Variants in WDR45B observed in about 807,000 individuals in gnomAD.
WDR45B encodes the protein WD repeat domain phosphoinositide-interacting protein 3.
WDR45B carries 20 observed loss-of-function variants against 44.6 expected under a neutral mutation model. The observed-to-expected ratio is 0.45, with a 90% CI of 0.32 to 0.65. The LOEUF (loss-of-function observed/expected upper bound fraction) is 0.65. Ranked by LOEUF, WDR45B falls within the 30% of genes least tolerant of loss-of-function variation. The pLI is 0.05. For missense variants in WDR45B, 323 were observed against 430.2 expected, an observed-to-expected ratio of 0.75 and a Z score of 2.20; for synonymous variants, 169 against 164.9, an observed-to-expected ratio of 1.02 and a Z score of -0.19.
intron 2 of WDR45B, among the ~76,000 whole-genome samples, chr17:82,639,268 C>T (rs1385801374): frequency 6.6e-6 from 1 of 151,994 alleles, no homozygotes; most frequent in African/African-American, 2.4e-5. Flanking sequence ...GCATGAAGCA[C>T]CATTTTGAGG....
rs1298327201 is a variant in WDR45B at position 82,614,891 on chromosome 17, TAA to T, written c.*1026_*1027del. Reference sequence around the variant, plus strand: ...AGCCCATAACCTAGTTACCAAATGTTAAAAAAAGTTATGTGCCTCTCCTTCCC... The same window carrying T: ...AGCCCATAACCTAGTTACCAAATGTTAAAAAGTTATGTGCCTCTCCTTCCC... On this transcript the variant is annotated 3_prime_UTR_variant, in exon 10 of 10. Coordinates refer to ENST00000392325, the MANE Select transcript of WDR45B (RefSeq NM_019613.4). The T allele has an allele frequency of 6.6e-6, 1 of 152,078 alleles. No individual in the cohort carries two copies. The highest frequency in any genetic ancestry group is 1.5e-5 in the Non-Finnish European group (1 of 68,016). 9.4% of individuals were successfully genotyped at this position (152,078 alleles called of 1,614,324 possible).
At chr17:82,617,526 C>A in intron 7 of WDR45B, 129 bp from the exon 8 acceptor site, 1 of 878,434 alleles carries the variant, frequency 1.1e-6, no homozygotes, top group South Asian at 1.4e-5. Flanking sequence ...ATTCTGAATA[C>A]TGCCCTTTCT....
intron 8 of WDR45B, 81 bp downstream of exon 8, chr17:82,617,215 G>A: frequency 1.5e-6 from 2 of 1,301,678 alleles, no homozygotes; most frequent in South Asian, 1.2e-5. Context: ...GCTGGGGTGG[G>A]GGGCCTGTCC....
At position 82,641,187 on chromosome 17, in the gene WDR45B, G is replaced by A. The variant is rs559423591; in HGVS notation, c.142+2762C>T. On this transcript the variant is annotated intron_variant, in intron 2 of 9. Transcript: ENST00000392325. ...TCACCGTGTTGCCCAGGCTGGTCTC[G>A]AACTCCTGAGCTCAGGCAATCTGCT... 1.2e-4 allele frequency among the ~76,000 whole-genome samples: 18 copies of A among 152,074 alleles called. No individual in the cohort carries two copies. The East Asian group carries it at 2.9e-3, about 25-fold the overall frequency.
chr17:82,630,068 C>T (rs2045747707), intron 3 of WDR45B: 1 of 808,604 alleles, frequency 1.2e-6, no homozygotes, highest in South Asian at 5.6e-5. Flanking sequence ...TTTCTCAGGC[C>T]TCCTCCCGCC....
At chr17:82,629,169 T>C (rs1238990708) in intron 3 of WDR45B, among the ~76,000 whole-genome samples, 1 of 152,204 alleles carries the variant, frequency 6.6e-6, no homozygotes, top group Non-Finnish European at 1.5e-5. Flanking sequence ...AGACCTGAGA[T>C]TATCTCATAC....
At position 82,639,354 on chromosome 17, in the gene WDR45B, C is replaced by T. The variant is rs896192774; in HGVS notation, c.142+4595G>A. On this transcript the variant is annotated intron_variant, in intron 2 of 9. Transcript: ENST00000392325. ...TCCAATTTTCCACTCTTGGAAACAG[C>T]GTTGCAAGTAATATTGGTATACAGG... Among the ~76,000 whole-genome samples the T allele has an allele frequency of 1.2e-4, 19 of 152,094 alleles. No homozygotes were observed. The South Asian group carries it at 1.9e-3, about 15-fold the overall frequency.
chr17:82,647,278 G>A (rs548026326), intron 1 of WDR45B, among the ~76,000 whole-genome samples: 91 of 152,308 alleles, frequency 6.0e-4, no homozygotes, highest in African/African-American at 2.1e-3. Flanking sequence ...TACAGCACCT[G>A]CCTGGATTCT....
At chr17:82,643,102 C>T (rs2045937053) in intron 2 of WDR45B, among the ~76,000 whole-genome samples, 1 of 152,156 alleles carries the variant, frequency 6.6e-6, no homozygotes. Context: ...TACAATAACT[C>T]TGAGGCAGGC....
At chr17:82,617,571 G>C in intron 7 of WDR45B, 174 bp from the exon 8 acceptor site, 1 of 685,366 alleles carries the variant, frequency 1.5e-6, no homozygotes, top group East Asian at 2.8e-5. Flanking sequence ...CAGCACCACA[G>C]GTTGAAGCCA....
chr17:82,619,444 C>T (rs1568001808), intron 6 of WDR45B, among the ~76,000 whole-genome samples: 2 of 152,084 alleles, frequency 1.3e-5, no homozygotes. Context: ...AACACCCAGG[C>T]CCAGGCTCCC....
chr17:82,618,411 G>A (rs569814948), intron 7 of WDR45B, among the ~76,000 whole-genome samples: 2 of 152,334 alleles, frequency 1.3e-5, no homozygotes, highest in Non-Finnish European at 1.5e-5. Flanking sequence ...CTCTCAGACT[G>A]TAACAGGCTG....
Position 82,634,011 on chromosome 17 carries a change from C to T in WDR45B, c.143-2989G>A, listed in dbSNP as rs577136987. Among the ~76,000 whole-genome samples, 59 of 151,388 alleles carry T rather than the reference C, an allele frequency of 3.9e-4. 3 individuals are homozygous for T. In the East Asian group the frequency reaches 0.011, roughly 29 times the overall value. ...TAAAAATTCAAAAAAATTAGCCAGG[C>T]GTGGTGGCAGGTGCCTGTAATCCCA... On this transcript the variant is annotated intron_variant, in intron 2 of 9. Transcript: ENST00000392325.
At chr17:82,629,230 G>C (rs533195607) in intron 3 of WDR45B, among the ~76,000 whole-genome samples, 10 of 152,274 alleles carry the variant, frequency 6.6e-5, no homozygotes, top group African/African-American at 2.4e-4. Context: ...CCAGAGGTAG[G>C]GCAAGGGAGG....
chr17:82,616,615 G>A lies in WDR45B; in HGVS notation c.837C>T (p.Tyr279=), dbSNP rs781592218. 4 of 1,614,178 alleles carry A rather than the reference G, an allele frequency of 2.5e-6. No homozygotes were observed. In the Admixed American group the frequency reaches 6.7e-5, roughly 27 times the overall value. The part of the protein sequence containing the change: ...SLASASFLPK[Y]FSSKWSFSKF... ...TGGAGAAACTCCACTTGGAACTGAA[G>A]TATTTTGGAAGGAAACTGGCTGAGG... Residue 279 remains tyrosine (Y), a synonymous_variant, in exon 9 of 10, where the codon TAC becomes TAT. Transcript: ENST00000392325.
chr17:82,625,603 G>T, intron 4 of WDR45B, 120 bp from the exon 5 acceptor site: 1 of 1,049,632 alleles, frequency 9.5e-7, no homozygotes, highest in Non-Finnish European at 1.4e-6. Flanking sequence ...GAAAAGGAGT[G>T]TTCCTGAAGA....
At chr17:82,626,643 A>G (rs1385914616) in intron 4 of WDR45B, 2 of 156,138 alleles carry the variant, frequency 1.3e-5, no homozygotes, top group African/African-American at 4.8e-5. Flanking sequence ...GAAATCTTAG[A>G]GTAAAATATG....
intron 2 of WDR45B, among the ~76,000 whole-genome samples, chr17:82,639,073 G>A (rs900710989): frequency 6.6e-6 from 1 of 151,844 alleles, no homozygotes; most frequent in Non-Finnish European, 1.5e-5. Flanking sequence ...CACCTGCCTC[G>A]GCCTCCTAAA....
intron 3 of WDR45B, among the ~76,000 whole-genome samples, chr17:82,630,265 C>CA (rs1230519952): frequency 6.6e-6 from 1 of 151,932 alleles, no homozygotes; most frequent in Non-Finnish European, 1.5e-5. Flanking sequence ...ACCTGGCATT[C>CA]AAGCCTCCCC....
Sources: gnomAD v4.1 joint callset for allele counts (sites outside exome capture counted in the v4.1 genomes callset) on GRCh38, gnomAD v4.1.1 for gene constraint, MANE v1.5 for transcripts, NCBI Gene and HGNC (gene_info 2026-07-23, HGNC 2026-07-21) for gene names.